SLC25A17: variants seen among roughly 807,000 people sequenced by gnomAD.
SLC25A17 encodes the protein solute carrier family 25 member 17.
A neutral mutation model predicts 38.5 loss-of-function variants in SLC25A17; 26 were observed. That is an observed-to-expected ratio of 0.68 (90% confidence interval 0.50 to 0.94). The LOEUF is 0.94. SLC25A17 is among the 40% of genes least tolerant of loss of function. The pLI is 0.00. For synonymous variants in SLC25A17, 139 were observed against 136.2 expected (o/e 1.02, Z -0.14); for missense variants, 333 against 372.7 (o/e 0.89, Z 0.88).
intron 1 of SLC25A17, among the ~76,000 whole-genome samples, chr22:40,810,042 A>C (rs1412263165): frequency 6.6e-6 from 1 of 152,162 alleles, no homozygotes; most frequent in East Asian, 1.9e-4. Flanking sequence ...TGCAAAGTAT[A>C]TATCTGGTCC....
rs1000704962 is a variant in SLC25A17, at chr22:40,816,004, T to C, written c.54+3191A>G. Among the ~76,000 whole-genome samples, 6 of 152,072 alleles carry C rather than the reference T, an allele frequency of 3.9e-5. No individual in the cohort carries two copies. In the South Asian group the frequency reaches 6.2e-4, roughly 16 times the overall value. ...GAGCTCAAGACCAGGCTGACCAACA[T>C]GGAGAAACCCCGTCTCTACTGAAAA... On this transcript the variant is annotated intron_variant, in intron 1 of 8. Transcript: ENST00000435456.
At position 40,792,681 on chromosome 22, in the gene SLC25A17, G is replaced by C. The variant is rs933179316; in HGVS notation, c.183-5C>G. The C allele has an allele frequency of 1.2e-6, 2 of 1,613,374 alleles. No individual in the cohort carries two copies. The highest frequency in any genetic ancestry group is 2.7e-5 in the African/African-American group (2 of 74,860). Reference sequence around the variant, plus strand: ...CACCCTCGATATGGTGCCAGGCTAGGGGAAAAACACAATAAGCAAAGTAAA... The same window carrying C: ...CACCCTCGATATGGTGCCAGGCTAGCGGAAAAACACAATAAGCAAAGTAAA... On this transcript the variant is annotated splice_polypyrimidine_tract_variant and splice_region_variant and intron_variant, in intron 3 of 8. Transcript: ENST00000435456.
At chr22:40,816,104 G>A (rs990455917) in intron 1 of SLC25A17, among the ~76,000 whole-genome samples, 38 of 151,668 alleles carry the variant, frequency 2.5e-4, no homozygotes, top group African/African-American at 8.7e-4. Flanking sequence ...CAGGAGAATC[G>A]CTTGAACCCA....
At chr22:40,808,599 A>G (rs577186490) in intron 1 of SLC25A17, among the ~76,000 whole-genome samples, 1 of 152,382 alleles carries the variant, frequency 6.6e-6, no homozygotes, top group African/African-American at 2.4e-5. Context: ...ATGGGAAGGG[A>G]GGGAATTAAG....
At chr22:40,807,649 T>C (rs1475281543) in intron 1 of SLC25A17, among the ~76,000 whole-genome samples, 1 of 152,044 alleles carries the variant, frequency 6.6e-6, no homozygotes, top group Non-Finnish European at 1.5e-5. Flanking sequence ...CTCAGGAGGC[T>C]GAGGCAAGAG....
In SLC25A17 at chr22:40,789,130, G is replaced by T; in HGVS notation, c.334+3395C>A. 1 of 265,434 alleles carries T rather than the reference G, an allele frequency of 3.8e-6. No homozygotes were observed. The allele number at this position is 265,434 out of a possible 1,614,324, so 16.4% of individuals were successfully genotyped here. A position where few individuals can be genotyped will look rare whatever the true frequency, so the allele number is the denominator to read the frequency against. On this transcript the variant is annotated intron_variant, in intron 4 of 8. Transcript: ENST00000435456. This position sits in a 1 kb window ranked among gnomAD's most constrained non-coding sequence, Gnocchi z 4.5. The stretch of plus-strand genomic sequence containing the variant: ...ATAAATGCCACTGGATATATCGGCT[G>T]GCAGATTATCTACCACTTGCTCAGG...
intron 1 of SLC25A17, among the ~76,000 whole-genome samples, chr22:40,811,906 T>C (rs1224522955): frequency 6.6e-6 from 1 of 151,436 alleles, no homozygotes; most frequent in Non-Finnish European, 1.5e-5. Flanking sequence ...TTTGGAGGGG[T>C]CAAACATCCA....
chr22:40,795,627 CTCT>C (rs2057422436), intron 2 of SLC25A17, among the ~76,000 whole-genome samples: 1 of 152,010 alleles, frequency 6.6e-6, no homozygotes, highest in Non-Finnish European at 1.5e-5. Context: ...TCATAAAGCT[CTCT>C]TGTTTTATTC....
In SLC25A17 at chr22:40,775,308, A is replaced by G. The variant is rs111374057; in HGVS notation, c.694-1289T>C. 5.6e-3 allele frequency among the ~76,000 whole-genome samples: 852 copies of G among 152,172 alleles called. 8 individuals are homozygous for G. Among genetic ancestry groups the G allele is most frequent in the East Asian group, 0.022 (114 of 5,182 alleles). On this transcript the variant is annotated intron_variant, in intron 7 of 8. Transcript: ENST00000435456. ...ATATGGTTTGGCTGTGTCCCCATCC[A>G]AATCTCACCTTGAATTGTAATAATC...
At chr22:40,784,017 T>C (rs2057316419) in intron 4 of SLC25A17, among the ~76,000 whole-genome samples, 1 of 152,158 alleles carries the variant, frequency 6.6e-6, no homozygotes, top group African/African-American at 2.4e-5. Context: ...TGGTACCTCT[T>C]TCTAACCCTC....
At chr22:40,793,139 A>G (rs1224993313) in intron 3 of SLC25A17, among the ~76,000 whole-genome samples, 1 of 152,194 alleles carries the variant, frequency 6.6e-6, no homozygotes, top group African/African-American at 2.4e-5. Flanking sequence ...TTTGAATACC[A>G]AAATAATGAA....
rs572485225 is a variant in SLC25A17, at chr22:40,780,339, G to A, written c.335-1214C>T. The A allele has an allele frequency of 8.5e-5, 13 of 152,182 alleles. No homozygotes were observed. In the South Asian group the frequency reaches 2.1e-3, roughly 24 times the overall value. 9.4% of individuals were successfully genotyped at this position (152,182 alleles called of 1,614,324 possible). On this transcript the variant is annotated intron_variant, in intron 4 of 8. Transcript: ENST00000435456. ...GCATCACCTAATAATTTTATCAGTC[G>A]TATTTGTTATATTTTTATAGATTCA...
At chr22:40,792,717 A>T (rs752846918) in intron 3 of SLC25A17, 41 bp from the exon 4 acceptor site, 2 of 1,601,476 alleles carry the variant, frequency 1.2e-6, no homozygotes, top group African/African-American at 2.7e-5. Flanking sequence ...GGTCATGGAC[A>T]AATTAGAAAT....
chr22:40,776,886 C>A (rs1432757043), intron 7 of SLC25A17, among the ~76,000 whole-genome samples, 154 bp downstream of exon 7: 1 of 151,932 alleles, frequency 6.6e-6, no homozygotes, highest in African/African-American at 2.4e-5. Context: ...AGAGGGAGAT[C>A]CTGTCTCAAA....
At chr22:40,800,659 A>C (rs2057472534) in intron 1 of SLC25A17, among the ~76,000 whole-genome samples, 1 of 152,040 alleles carries the variant, frequency 6.6e-6, no homozygotes, top group Admixed American at 6.6e-5. Context: ...AACTTCCCAA[A>C]GTGCAGGAGT....
intron 2 of SLC25A17, 21 bp from the exon 3 acceptor site, chr22:40,794,601 T>A: frequency 6.5e-7 from 1 of 1,530,884 alleles, no homozygotes; most frequent in Non-Finnish European, 8.9e-7. Flanking sequence ...AAACAGTGCA[T>A]GTTTATTTTA....
rs573400323 is a variant in SLC25A17 at position 40,797,850 on chromosome 22, C to T, written c.115+1173G>A. Among the ~76,000 whole-genome samples, 139 of 152,310 alleles carry T rather than the reference C, an allele frequency of 9.1e-4. 3 individuals carry two copies. The South Asian group carries it at 0.02, about 22-fold the overall frequency. ...GCCCGGCCAGCCCTTCCTCCGCAGC[C>T]AACAAATGCACATGGGTTTTTCTTG... On this transcript the variant is annotated intron_variant, in intron 2 of 8. Coordinates refer to ENST00000435456, the MANE Select transcript of SLC25A17 (RefSeq NM_006358.4).
chr22:40,799,325 T>C (rs1022240536), intron 1 of SLC25A17, among the ~76,000 whole-genome samples: 2 of 151,532 alleles, frequency 1.3e-5, no homozygotes, highest in African/African-American at 4.8e-5. Context: ...TCTGTAAAGA[T>C]GGGGGTCTCA....
At chr22:40,798,265 C>T (rs6002146) in intron 2 of SLC25A17, 1 of 152,642 alleles carries the variant, frequency 6.6e-6, no homozygotes, top group Middle Eastern at 3.4e-3. Context: ...TCTGGAAAAG[C>T]TCTGGAGGCA....
Sources: gnomAD v4.1 joint callset for allele counts (sites outside exome capture counted in the v4.1 genomes callset) on GRCh38, gnomAD v4.1.1 for gene constraint, Gnocchi (gnomAD v3.1) non-coding constraint, MANE v1.5 for transcripts, NCBI Gene and HGNC (gene_info 2026-07-23, HGNC 2026-07-21) for gene names.